Variants in ABCA12 observed in about 807,000 individuals in gnomAD.
ABCA12 encodes glucosylceramide transporter ABCA12.
Under a neutral mutation model 293.5 loss-of-function variants are expected in ABCA12, and 156 were observed. That is an observed-to-expected ratio of 0.53 (90% CI 0.47 to 0.61). The LOEUF (loss-of-function observed/expected upper bound fraction) is 0.61. Among genes scored for constraint, ABCA12 ranks in the 20% least tolerant of loss-of-function variants. The probability of loss-of-function intolerance (pLI) is 0.00; values close to 1 mark genes in which losing one functional copy is unlikely to be tolerated. For missense variants in ABCA12, 2,797 were observed against 3,090.2 expected (o/e 0.91, Z 2.25); for synonymous variants, 1,063 against 1,108.0 (o/e 0.96, Z 0.81).
At chr2:215,126,286 G>T (rs1033138408) in intron 1 of ABCA12, among the ~76,000 whole-genome samples, 2 of 152,002 alleles carry the variant, frequency 1.3e-5, no homozygotes, top group Non-Finnish European at 2.9e-5. Context: ...CCTGGTTTTG[G>T]TATTAAGATG....
intron 23 of ABCA12, among the ~76,000 whole-genome samples, chr2:214,996,250 T>C (rs146370356): frequency 1.5e-3 from 224 of 152,324 alleles, no homozygotes; most frequent in African/African-American, 5.1e-3. Flanking sequence ...GAGAGCATCA[T>C]CTTCAAACAT....
rs373586920 is a variant in ABCA12 at position 215,063,062 on chromosome 2, G to A, written c.317+1004C>T. ...ATGAATGAACATCAGATTCTTTTAA[G>A]CATCAAGCCTAATTATTGAAACAAC... On this transcript the variant is annotated intron_variant, in intron 3 of 52. Transcript: ENST00000272895. Among the ~76,000 whole-genome samples the A allele has an allele frequency of 1.1e-4, 16 of 151,958 alleles. No homozygotes were observed. The East Asian group carries it at 1.2e-3, about 11-fold the overall frequency.
intron 2 of ABCA12, among the ~76,000 whole-genome samples, chr2:215,080,596 A>AAT (rs1157990589): frequency 6.6e-6 from 1 of 152,176 alleles, no homozygotes. Context: ...AAATGCTTTA[A>AAT]ATATATATAT....
chr2:215,075,538 G>A, intron 2 of ABCA12: 2 of 697,146 alleles, frequency 2.9e-6, no homozygotes. Flanking sequence ...TGTATCTTGA[G>A]TCAGTTTCCT....
chr2:214,967,848 G>T (rs1441418784), intron 38 of ABCA12, among the ~76,000 whole-genome samples: 1 of 152,090 alleles, frequency 6.6e-6, no homozygotes, highest in Non-Finnish European at 1.5e-5. Context: ...CAAAGACTGT[G>T]TATGTCTCTT....
chr2:214,994,377 CCG>C (rs1699992061), intron 23 of ABCA12, among the ~76,000 whole-genome samples: 1 of 152,184 alleles, frequency 6.6e-6, no homozygotes. Context: ...AAAGAAAACC[CCG>C]CTGCCTAGTA....
intron 2 of ABCA12, among the ~76,000 whole-genome samples, chr2:215,110,975 TC>T (rs1231172733): frequency 6.6e-6 from 1 of 152,236 alleles, no homozygotes; most frequent in African/African-American, 2.4e-5. Flanking sequence ...AAAACCCTCA[TC>T]CCCCTCAGTT....
At chr2:215,005,725 T>C (rs1341607970) in intron 19 of ABCA12, among the ~76,000 whole-genome samples, 1 of 152,218 alleles carries the variant, frequency 6.6e-6, no homozygotes, top group Non-Finnish European at 1.5e-5. Context: ...ATATGACATC[T>C]AATAATAGGT....
intron 2 of ABCA12, among the ~76,000 whole-genome samples, chr2:215,092,174 C>T (rs1702161367): frequency 6.6e-6 from 1 of 152,064 alleles, no homozygotes; most frequent in Admixed American, 6.6e-5. Context: ...TGGAGGCTAC[C>T]CACTCCACAT....
intron 39 of ABCA12, 47 bp from the exon 40 acceptor site, chr2:214,959,125 G>A: frequency 6.8e-7 from 1 of 1,471,678 alleles, no homozygotes; most frequent in Non-Finnish European, 9.5e-7. Flanking sequence ...CAGTTAATCA[G>A]AAATACCAAT....
chr2:215,008,793 G>A (rs1394348846), intron 18 of ABCA12, among the ~76,000 whole-genome samples: 2 of 150,288 alleles, frequency 1.3e-5, no homozygotes, highest in East Asian at 1.9e-4. Context: ...ACAAAAAGGG[G>A]AAAAAAAAAG....
At chr2:214,998,721 G>T (rs1348342803) in intron 22 of ABCA12, among the ~76,000 whole-genome samples, 1 of 152,128 alleles carries the variant, frequency 6.6e-6, no homozygotes, top group Non-Finnish European at 1.5e-5. Context: ...TATTATATCT[G>T]GGTGGGACCA....
chr2:214,974,904 T>C (rs1699476062), intron 34 of ABCA12, 40 bp from the exon 35 acceptor site: 1 of 1,508,710 alleles, frequency 6.6e-7, no homozygotes, highest in Non-Finnish European at 9.2e-7. Context: ...ATGATTTTTC[T>C]ACTAGTCTCC....
At chr2:214,938,039 G>T (rs1271299478) in intron 50 of ABCA12, among the ~76,000 whole-genome samples, 2 of 151,980 alleles carry the variant, frequency 1.3e-5, no homozygotes, top group African/African-American at 4.8e-5. Flanking sequence ...ATGTGCCGTG[G>T]TGGTTTGCTG....
intron 11 of ABCA12, among the ~76,000 whole-genome samples, chr2:215,021,531 G>A (rs181190322): frequency 1.2e-3 from 182 of 152,252 alleles, no homozygotes; most frequent in African/African-American, 4.0e-3. Flanking sequence ...GTGCCCCTGG[G>A]AAAGAAAATT....
intron 29 of ABCA12, 122 bp downstream of exon 29, chr2:214,983,524 TA>T: frequency 2.2e-6 from 2 of 921,818 alleles, no homozygotes; most frequent in Non-Finnish European, 1.7e-6. Context: ...GTAGAAAAAC[TA>T]AAAAGTAATT....
At chr2:214,975,057 C>T (rs1259239677) in intron 34 of ABCA12, among the ~76,000 whole-genome samples, 193 bp from the exon 35 acceptor site, 4 of 152,150 alleles carry the variant, frequency 2.6e-5, no homozygotes, top group Non-Finnish European at 5.9e-5. Flanking sequence ...CTCAGCCTCC[C>T]GGGTTCAAGC....
At chr2:215,110,239 G>A (rs192104335) in intron 2 of ABCA12, among the ~76,000 whole-genome samples, 4 of 152,156 alleles carry the variant, frequency 2.6e-5, no homozygotes, top group African/African-American at 4.8e-5. Flanking sequence ...GGCTGGGCGC[G>A]GTGGCTCACG....
intron 3 of ABCA12, among the ~76,000 whole-genome samples, chr2:215,060,350 T>C (rs1701504788): frequency 6.6e-6 from 1 of 152,100 alleles, no homozygotes. Flanking sequence ...ATTGAATGAA[T>C]GGTTGTGCTT....
Sources: allele counts gnomAD v4.1 joint callset (sites outside exome capture counted in the v4.1 genomes callset), GRCh38; gene constraint gnomAD v4.1.1; transcripts MANE v1.5; gene names NCBI Gene and HGNC (gene_info 2026-07-23, HGNC 2026-07-21).